The following PLA2G7 variants were observed in gnomAD, a reference collection of about 807,000 sequenced individuals.
The protein encoded by PLA2G7 is phospholipase A2 group VII.
In PLA2G7, 63 loss-of-function variants were observed where a neutral mutation model predicts 49.6. The ratio of observed to expected loss-of-function variants is 1.27; its 90% CI spans 1.04 to 1.57. PLA2G7 has a LOEUF of 1.57. Ranked by LOEUF, PLA2G7 falls within the 40% of genes most tolerant of loss-of-function variation. The probability of loss-of-function intolerance (pLI) is 0.00; values close to 1 mark genes in which losing one functional copy is unlikely to be tolerated. For synonymous variants in PLA2G7, 193 were observed against 169.9 expected (o/e 1.14, Z -1.06); for missense variants, 596 against 521.2 (o/e 1.14, Z -1.40).
At chr6:46,722,048 G>T (rs552475011) in intron 2 of PLA2G7, among the ~76,000 whole-genome samples, 1 of 152,262 alleles carries the variant, frequency 6.6e-6, no homozygotes, top group Admixed American at 6.5e-5. Flanking sequence ...GCAGGAATTT[G>T]CAAAGCTCCA....
At chr6:46,734,748 G>C (rs1224379734) in intron 1 of PLA2G7, among the ~76,000 whole-genome samples, 1 of 151,756 alleles carries the variant, frequency 6.6e-6, no homozygotes, top group African/African-American at 2.4e-5. Flanking sequence ...GCTTGAACCC[G>C]GGAGACAGAG....
At chr6:46,718,168 G>A (rs1186965648) in intron 2 of PLA2G7, among the ~76,000 whole-genome samples, 2 of 152,120 alleles carry the variant, frequency 1.3e-5, no homozygotes, top group Non-Finnish European at 2.9e-5. Flanking sequence ...GTTGGATCTT[G>A]ACCCCTTCAA....
chr6:46,723,752 G>C (rs1765479697), intron 1 of PLA2G7, among the ~76,000 whole-genome samples: 2 of 152,026 alleles, frequency 1.3e-5, no homozygotes. Context: ...TTTTGCCCTT[G>C]ACCCTAAAAT....
chr6:46,711,592 A>C lies in PLA2G7; in HGVS notation c.567T>G (p.Tyr189Ter), dbSNP rs1310582894. ...HRDRSASATY[Y>*]FKDQSAAEIG... ...TTTCTGCAGCAGATTGGTCCTTGAAATAGTAAGTTGCAGATGCAGATCTAT... is the reference window on the plus strand; with the variant it reads ...TTTCTGCAGCAGATTGGTCCTTGAACTAGTAAGTTGCAGATGCAGATCTAT... Residue 189 changes from tyrosine to a stop codon, truncating the protein, a stop_gained, in exon 7 of 12, where the codon TAT becomes TAG. Transcript: ENST00000274793. LOFTEE classifies it high-confidence loss of function. The C allele has an allele frequency of 6.2e-7, 1 of 1,613,620 alleles. No individual in the cohort carries two copies. Among genetic ancestry groups the C allele is most frequent in the Non-Finnish European group, 8.5e-7 (1 of 1,179,668 alleles).
intron 2 of PLA2G7, among the ~76,000 whole-genome samples, chr6:46,717,559 C>T (rs979416971): frequency 1.3e-5 from 2 of 152,028 alleles, no homozygotes; most frequent in African/African-American, 4.8e-5. Flanking sequence ...TTTCAACTCT[C>T]CCTTCTCACT....
chr6:46,717,985 G>A lies in PLA2G7; in HGVS notation c.110-889C>T, dbSNP rs1056287536. 3.9e-5 allele frequency among the ~76,000 whole-genome samples: 6 copies of A among 152,092 alleles called. No individual in the cohort carries two copies. In the South Asian group the frequency reaches 8.3e-4, roughly 21 times the overall value. The stretch of plus-strand genomic sequence containing the variant: ...CCCACCTCAGCCTCCCAAAGTGCTG[G>A]GTTTACAGGCGTGAACCACCACGCC... On this transcript the variant is annotated intron_variant, in intron 2 of 11. Transcript: ENST00000274793.
At chr6:46,716,573 A>G in intron 3 of PLA2G7, 45 bp from the exon 4 acceptor site, 1 of 1,594,932 alleles carries the variant, frequency 6.3e-7, no homozygotes, top group Non-Finnish European at 8.6e-7. Context: ...GTTGTGTCTC[A>G]AACATATTCC....
intron 7 of PLA2G7, among the ~76,000 whole-genome samples, 153 bp from the exon 8 acceptor site, chr6:46,710,811 G>A (rs1764991143): frequency 6.6e-6 from 1 of 152,160 alleles, no homozygotes; most frequent in South Asian, 2.1e-4. Flanking sequence ...TAATGACACA[G>A]GCCCCAGCTT....
Position 46,727,680 on chromosome 6 carries a change from T to C in PLA2G7, c.-34-4755A>G, listed in dbSNP as rs45465897. 3.6e-3 allele frequency among the ~76,000 whole-genome samples: 554 copies of C among 152,276 alleles called. 3 individuals carry two copies. The highest frequency in any genetic ancestry group is 0.013 in the African/African-American group (521 of 41,538). On this transcript the variant is annotated intron_variant, in intron 1 of 11. Transcript: ENST00000274793. ...TCATGGATTATCTGACCCAATGTAA[T>C]CACAAGAGTCCTTAAAAGTATAAGA...
At chr6:46,711,787 GA>G (rs1424411877) in intron 6 of PLA2G7, among the ~76,000 whole-genome samples, 168 bp from the exon 7 acceptor site, 1 of 151,886 alleles carries the variant, frequency 6.6e-6, no homozygotes, top group African/African-American at 2.4e-5. Context: ...AGAGTTCCAG[GA>G]AAAAAACCTT....
intron 1 of PLA2G7, among the ~76,000 whole-genome samples, chr6:46,725,434 G>T (rs894215293): frequency 6.6e-6 from 1 of 152,028 alleles, no homozygotes; most frequent in Non-Finnish European, 1.5e-5. Flanking sequence ...GTTTCACCAT[G>T]TTGGCCAGGA....
intron 5 of PLA2G7, among the ~76,000 whole-genome samples, chr6:46,713,685 G>T (rs45554737): frequency 6.6e-6 from 1 of 152,144 alleles, no homozygotes; most frequent in African/African-American, 2.4e-5. Flanking sequence ...GGGGTGACAG[G>T]TGAGAAAGTG....
At chr6:46,723,948 G>T (rs924861263) in intron 1 of PLA2G7, among the ~76,000 whole-genome samples, 17 of 152,052 alleles carry the variant, frequency 1.1e-4, no homozygotes, top group African/African-American at 3.9e-4. Flanking sequence ...AATCACACTT[G>T]CTTCTTTGCC....
At chr6:46,734,017 A>G (rs980114651) in intron 1 of PLA2G7, among the ~76,000 whole-genome samples, 10 of 152,146 alleles carry the variant, frequency 6.6e-5, no homozygotes, top group African/African-American at 9.7e-5. Context: ...CTCCTTCCTC[A>G]TCACCACTGC....
intron 5 of PLA2G7, among the ~76,000 whole-genome samples, chr6:46,714,059 G>T (rs1476936207): frequency 6.6e-6 from 1 of 152,078 alleles, no homozygotes; most frequent in African/African-American, 2.4e-5. Flanking sequence ...TGGTCCAAAG[G>T]TTCTCCCCAT....
intron 1 of PLA2G7, among the ~76,000 whole-genome samples, chr6:46,732,374 C>T (rs909957136): frequency 8.3e-6 from 1 of 121,166 alleles, no homozygotes; most frequent in Non-Finnish European, 1.7e-5. Flanking sequence ...CACATACACA[C>T]ACACACACAC....
At chr6:46,708,246 T>C in intron 9 of PLA2G7, 85 bp from the exon 10 acceptor site, 2 of 1,004,162 alleles carry the variant, frequency 2.0e-6, no homozygotes, top group Non-Finnish European at 3.2e-6. Context: ...CTAGGATTGG[T>C]GGACACGCAC....
At chr6:46,705,925 C>A (rs1282658798) in intron 10 of PLA2G7, among the ~76,000 whole-genome samples, 1 of 152,014 alleles carries the variant, frequency 6.6e-6, no homozygotes, top group African/African-American at 2.4e-5. Flanking sequence ...TTTTTCTTTA[C>A]GTTTCCTTAA....
intron 1 of PLA2G7, among the ~76,000 whole-genome samples, chr6:46,731,609 G>A (rs1765736580): frequency 6.6e-6 from 1 of 151,982 alleles, no homozygotes; most frequent in African/African-American, 2.4e-5. Context: ...TCCGAACAGA[G>A]AAAGATACTT....
Sources: allele counts gnomAD v4.1 joint callset (sites outside exome capture counted in the v4.1 genomes callset), GRCh38; gene constraint gnomAD v4.1.1; transcripts MANE v1.5; gene names NCBI Gene and HGNC (gene_info 2026-07-23, HGNC 2026-07-21).